Variants in GALNTL6 observed in about 807,000 individuals in gnomAD.
GALNTL6 encodes the protein polypeptide N-acetylgalactosaminyltransferase like 6.
Under a neutral mutation model 73.7 loss-of-function variants are expected in GALNTL6, and 46 were observed. The ratio of observed to expected loss-of-function variants is 0.62; its 90% CI spans 0.49 to 0.80. GALNTL6 has a LOEUF of 0.80. Among genes scored for constraint, GALNTL6 ranks in the 30% least tolerant of loss-of-function variants. The probability of loss-of-function intolerance (pLI) is 0.00; values close to 1 mark genes in which losing one functional copy is unlikely to be tolerated. For synonymous variants in GALNTL6, 259 were observed against 263.7 expected (o/e 0.98, Z 0.17); for missense variants, 604 against 755.0 (o/e 0.80, Z 2.34).
chr4:172,561,303 CAGCTGATGAGTGGA>C (rs1444527921), intron 5 of GALNTL6, among the ~76,000 whole-genome samples: 2 of 148,086 alleles, frequency 1.4e-5, no homozygotes, highest in Non-Finnish European at 3.0e-5. Flanking sequence ...CAAGTTCACA[CAGCTGATGAGTGGA>C]AGAAGCCAGA....
intron 2 of GALNTL6, among the ~76,000 whole-genome samples, chr4:172,173,901 G>C (rs1734910365): frequency 6.6e-6 from 1 of 152,186 alleles, no homozygotes; most frequent in African/African-American, 2.4e-5. Context: ...TACAGAGCCA[G>C]GGAGGGGGTG....
intron 5 of GALNTL6, among the ~76,000 whole-genome samples, chr4:172,407,964 C>A (rs1744297782): frequency 3.3e-5 from 5 of 151,966 alleles, no homozygotes; most frequent in Admixed American, 6.6e-5. Flanking sequence ...TATTATTTTG[C>A]TAAACATTTT....
chr4:172,192,025 G>A (rs60431918), intron 2 of GALNTL6, among the ~76,000 whole-genome samples: 9,746 of 151,766 alleles, frequency 0.064, 511 homozygotes, highest in African/African-American at 0.15. Flanking sequence ...TTAAATGTTT[G>A]TTTATTATTT....
At chr4:172,477,788 T>A (rs1162712069) in intron 5 of GALNTL6, among the ~76,000 whole-genome samples, 4 of 152,144 alleles carry the variant, frequency 2.6e-5, no homozygotes, top group Non-Finnish European at 5.9e-5. Context: ...AGATACATAC[T>A]GAGGAGGAAA....
chr4:172,345,166 C>T (rs2111208692), intron 4 of GALNTL6, among the ~76,000 whole-genome samples: 1 of 151,830 alleles, frequency 6.6e-6, no homozygotes, highest in South Asian at 2.1e-4. Context: ...ATAACTTGCC[C>T]ATTGTCACAC....
At chr4:172,337,697 T>C (rs933769273) in intron 4 of GALNTL6, among the ~76,000 whole-genome samples, 4 of 94,422 alleles carry the variant, frequency 4.2e-5, no homozygotes, top group Admixed American at 1.1e-4. Flanking sequence ...TTTAAGGTTT[T>C]TTGTTTTTTT....
chr4:171,832,938 A>G (rs945604663), intron 2 of GALNTL6, among the ~76,000 whole-genome samples: 3 of 151,808 alleles, frequency 2.0e-5, no homozygotes, highest in Admixed American at 6.6e-5. Flanking sequence ...TCATTTGATT[A>G]TACATCCTGG....
At chr4:172,606,854 T>A (rs1738324531) in intron 5 of GALNTL6, among the ~76,000 whole-genome samples, 1 of 151,332 alleles carries the variant, frequency 6.6e-6, no homozygotes, top group African/African-American at 2.4e-5. Context: ...TCTTAGAAGT[T>A]GGAAGAGGAA....
At chr4:172,919,786 G>A (rs1179032846) in intron 8 of GALNTL6, among the ~76,000 whole-genome samples, 1 of 152,044 alleles carries the variant, frequency 6.6e-6, no homozygotes, top group African/African-American at 2.4e-5. Context: ...TGACAGGTTA[G>A]GTCCTTAATT....
At chr4:172,213,471 C>T (rs1736396477) in intron 2 of GALNTL6, among the ~76,000 whole-genome samples, 1 of 152,068 alleles carries the variant, frequency 6.6e-6, no homozygotes. Flanking sequence ...TAGATGTGTA[C>T]TAGTTTTTTA....
At chr4:172,172,658 C>G (rs923284962) in intron 2 of GALNTL6, among the ~76,000 whole-genome samples, 1 of 152,096 alleles carries the variant, frequency 6.6e-6, no homozygotes, top group African/African-American at 2.4e-5. Context: ...TTCTGGCCTC[C>G]AGAGCTGTGA....
At chr4:171,982,489 G>C (rs890410674) in intron 2 of GALNTL6, among the ~76,000 whole-genome samples, 4 of 151,954 alleles carry the variant, frequency 2.6e-5, no homozygotes, top group African/African-American at 9.7e-5. Flanking sequence ...CATTAGAGAC[G>C]GGGTTTCACT....
chr4:172,770,032 G>A (rs887246830), intron 5 of GALNTL6, among the ~76,000 whole-genome samples: 3 of 152,298 alleles, frequency 2.0e-5, no homozygotes, highest in Non-Finnish European at 2.9e-5. Context: ...GGGAGGCCAA[G>A]TTGGGTGGGT....
chr4:172,371,242 T>C (rs1200048651), intron 5 of GALNTL6, among the ~76,000 whole-genome samples: 2 of 152,212 alleles, frequency 1.3e-5, no homozygotes, highest in Non-Finnish European at 2.9e-5. Flanking sequence ...TGTCCTGTCC[T>C]GAAAGGAGTT....
chr4:172,203,198 G>A (rs1337634801), intron 2 of GALNTL6, among the ~76,000 whole-genome samples: 1 of 152,116 alleles, frequency 6.6e-6, no homozygotes, highest in East Asian at 1.9e-4. Flanking sequence ...TGACCATATA[G>A]CTATATTGGT....
At chr4:172,704,543 C>T (rs534635501) in intron 5 of GALNTL6, among the ~76,000 whole-genome samples, 1 of 151,970 alleles carries the variant, frequency 6.6e-6, no homozygotes, top group South Asian at 2.1e-4. Context: ...TAGTTTTATT[C>T]AATTATGGTC....
chr4:171,987,590 A>G (rs920377058), intron 2 of GALNTL6, among the ~76,000 whole-genome samples: 1 of 152,156 alleles, frequency 6.6e-6, no homozygotes, highest in African/African-American at 2.4e-5. Flanking sequence ...ATGTGTAGGG[A>G]AGGGAAGGGG....
chr4:172,242,492 T>A (rs1370109228), intron 3 of GALNTL6, among the ~76,000 whole-genome samples: 4 of 152,164 alleles, frequency 2.6e-5, no homozygotes, highest in African/African-American at 9.7e-5. Flanking sequence ...AAAATATGAG[T>A]GAACTCAACG....
intron 5 of GALNTL6, among the ~76,000 whole-genome samples, chr4:172,436,745 T>C (rs1220753707): frequency 6.6e-6 from 1 of 152,138 alleles, no homozygotes; most frequent in African/African-American, 2.4e-5. Flanking sequence ...TTTTTCCACT[T>C]TGAAGTATTT....
Sources: gnomAD v4.1 joint callset for allele counts (sites outside exome capture counted in the v4.1 genomes callset) on GRCh38, gnomAD v4.1.1 for gene constraint, MANE v1.5 for transcripts, NCBI Gene and HGNC (gene_info 2026-07-23, HGNC 2026-07-21) for gene names.